The following DHX38 variants were observed in gnomAD, a reference collection of about 807,000 sequenced individuals.
DHX38 encodes the protein pre-mRNA-splicing factor ATP-dependent RNA helicase PRP16.
Under a neutral mutation model 153.1 loss-of-function variants are expected in DHX38, and 100 were observed. The observed-to-expected ratio is 0.65, with a 90% CI of 0.56 to 0.77. DHX38 has a LOEUF of 0.77. DHX38 is among the 30% of genes least tolerant of loss of function. The pLI is 0.00. For synonymous variants in DHX38, 650 were observed against 631.7 expected (o/e 1.03, Z -0.43); for missense variants, 1,440 against 1,654.0 (o/e 0.87, Z 2.24).
chr16:72,104,652 T>G lies in DHX38; in HGVS notation c.2151+26T>G, dbSNP rs2042148386. 6 of 1,613,718 alleles carry G rather than the reference T, an allele frequency of 3.7e-6. No individual in the cohort carries two copies. In the East Asian group the frequency reaches 1.3e-4, roughly 36 times the overall value. On this transcript the variant is annotated intron_variant, in intron 15 of 26. Coordinates refer to ENST00000268482, the MANE Select transcript of DHX38 (RefSeq NM_014003.4). This position sits in a 1 kb window ranked among gnomAD's most constrained non-coding sequence, Gnocchi z 4.5. ...GTATTGAGGCCACCATGTTACGAAC[T>G]GACCCTTCCATGCCACGCACTTCTC...
Position 72,099,749 on chromosome 16 carries a change from G to T in DHX38, c.978G>T (p.Trp326Cys). 3 of 1,614,188 alleles carry T rather than the reference G, an allele frequency of 1.9e-6. No homozygotes were observed. Among genetic ancestry groups the T allele is most frequent in the Non-Finnish European group, 2.5e-6 (3 of 1,180,028 alleles). Reference protein sequence around the residue: ...EDDQRQADRDWYMMDEGYDEF... With the variant: ...EDDQRQADRDCYMMDEGYDEF... ...CCCTGCAGCAAGCCGATCGGGATTG[G>T]TACATGATGGACGAGGGCTATGACG... Residue 326 changes from tryptophan to cysteine, a missense_variant, in exon 8 of 27, where the codon TGG becomes TGT. This residue lies in a region of DHX38 where 483 missense variants were observed against 465.1 expected (regional missense o/e 1.04). Coordinates refer to ENST00000268482, the MANE Select transcript of DHX38 (RefSeq NM_014003.4).
rs776462050 is a variant in DHX38 at position 72,108,401 on chromosome 16, A to G, written c.3120+19A>G. Reference sequence around the variant, plus strand: ...GCGGAAGGTAGAGTGGTGGATGAGCAGGATGTTGGGATGAGGGGAGGGTCG... The same window carrying G: ...GCGGAAGGTAGAGTGGTGGATGAGCGGGATGTTGGGATGAGGGGAGGGTCG... On this transcript the variant is annotated intron_variant, in intron 22 of 26. Coordinates refer to ENST00000268482, the MANE Select transcript of DHX38 (RefSeq NM_014003.4). 2 of 1,614,004 alleles carry G rather than the reference A, an allele frequency of 1.2e-6. No individual in the cohort carries two copies.
intron 12 of DHX38, 113 bp from the exon 13 acceptor site, chr16:72,103,489 G>A: frequency 1.6e-6 from 2 of 1,234,512 alleles, no homozygotes; most frequent in Non-Finnish European, 2.3e-6. Flanking sequence ...TTCTAAACCG[G>A]CATGCTCCCT....
intron 3 of DHX38, chr16:72,097,249 A>G: frequency 2.2e-6 from 1 of 446,812 alleles, no homozygotes; most frequent in South Asian, 3.6e-5. Context: ...AAAATTGATG[A>G]TAAAGGAGAT....
rs778677397 is a variant in DHX38 at position 72,108,647 on chromosome 16, C to T, written c.3255+40C>T. 32 of 1,604,342 alleles carry T rather than the reference C, an allele frequency of 2.0e-5. No individual in the cohort carries two copies. In the South Asian group the frequency reaches 3.0e-4, roughly 15 times the overall value. On this transcript the variant is annotated intron_variant, in intron 23 of 26. Transcript: ENST00000268482. Reference sequence around the variant, plus strand: ...CCAGTGAGCCCCTCCCAGCCTGATACCTGTATAAGGGCAAAGTTCTTCCTT... The same window carrying T: ...CCAGTGAGCCCCTCCCAGCCTGATATCTGTATAAGGGCAAAGTTCTTCCTT...
intron 21 of DHX38, 135 bp from the exon 22 acceptor site, chr16:72,108,092 C>G: frequency 9.0e-7 from 1 of 1,110,236 alleles, no homozygotes; most frequent in Non-Finnish European, 1.3e-6. Context: ...TAATTTTTCT[C>G]AAATTGTCAG....
chr16:72,101,243 T>C (rs756043760), intron 10 of DHX38, 50 bp downstream of exon 10: 1 of 1,599,156 alleles, frequency 6.3e-7, no homozygotes, highest in Non-Finnish European at 8.6e-7. Flanking sequence ...TTTTTTTCTT[T>C]TTTCTTCTCT....
Position 72,101,175 on chromosome 16 carries a change from G to A in DHX38, c.1368G>A (p.Glu456=), listed in dbSNP as rs1334121795. 2 of 1,614,174 alleles carry A rather than the reference G, an allele frequency of 1.2e-6. No individual in the cohort carries two copies. Among genetic ancestry groups the A allele is most frequent in the African/African-American group, 2.7e-5 (2 of 74,958 alleles). The part of the protein sequence containing the change: ...KGSQTVRKHR[E]QKERKKAQHK... ...GCCAGACAGTGCGGAAGCACAGGGA[G>A]CAGAAGGAGCGCAAGAAGGTTGGTT... Residue 456 remains glutamate, a synonymous_variant, in exon 10 of 27, where the codon GAG becomes GAA. Coordinates refer to ENST00000268482, the MANE Select transcript of DHX38 (RefSeq NM_014003.4).
intron 1 of DHX38, 112 bp from the exon 2 acceptor site, chr16:72,096,027 T>A: frequency 8.8e-7 from 1 of 1,135,940 alleles, no homozygotes; most frequent in South Asian, 1.6e-5. Flanking sequence ...AGTCCTGGTC[T>A]TAAGGGGAGA....
chr16:72,099,698 C>G (rs1312301761), intron 7 of DHX38, 34 bp from the exon 8 acceptor site: 2 of 1,612,016 alleles, frequency 1.2e-6, no homozygotes. Context: ...CTTGATCTGT[C>G]CCTCACTCCC....
chr16:72,100,389 A>T, intron 8 of DHX38, 47 bp from the exon 9 acceptor site: 1 of 1,596,374 alleles, frequency 6.3e-7, no homozygotes, highest in Non-Finnish European at 8.5e-7. Context: ...TTTCAGGACG[A>T]CCTTTGGGGT....
intron 26 of DHX38, among the ~76,000 whole-genome samples, chr16:72,111,737 G>T (rs1168834199): frequency 6.6e-6 from 1 of 152,180 alleles, no homozygotes; most frequent in Non-Finnish European, 1.5e-5. Context: ...CAGTATGACA[G>T]GTTATTGCTA....
chr16:72,105,327 C>T lies in DHX38; in HGVS notation c.2358C>T (p.Leu786=). The T allele has an allele frequency of 1.2e-6, 2 of 1,614,166 alleles. No individual in the cohort carries two copies. The highest frequency in any genetic ancestry group is 1.7e-6 in the Non-Finnish European group (2 of 1,180,038). Residue 786 remains leucine, a synonymous_variant, in exon 17 of 27, where the codon CTC becomes CTT. Coordinates refer to ENST00000268482, the MANE Select transcript of DHX38 (RefSeq NM_014003.4). Reference sequence around the variant, plus strand: ...TCTACTCTCAGCTGCCTTCTGACCTCCAGGCCAAAATCTTCCAGAAGGTGT... The same window carrying T: ...TCTACTCTCAGCTGCCTTCTGACCTTCAGGCCAAAATCTTCCAGAAGGTGT... The part of the protein sequence containing the change: ...LPIYSQLPSD[L]QAKIFQKAPD...
intron 1 of DHX38, among the ~76,000 whole-genome samples, chr16:72,095,846 T>C (rs12924413): frequency 0.5 from 75,327 of 151,734 alleles, 20,602 homozygotes; most frequent in African/African-American, 0.74. Flanking sequence ...TTAGTGAGAC[T>C]TTTTATTGCC....
intron 18 of DHX38, 118 bp downstream of exon 18, chr16:72,105,742 G>A (rs2042166873): frequency 1.2e-5 from 12 of 981,008 alleles, no homozygotes; most frequent in Non-Finnish European, 1.4e-5. Context: ...TGGAAGTGGT[G>A]GTGGTGGTGG....
intron 9 of DHX38, 127 bp downstream of exon 9, chr16:72,100,724 A>C: frequency 3.7e-6 from 5 of 1,351,522 alleles, no homozygotes; most frequent in Non-Finnish European, 5.0e-6. Flanking sequence ...GGATACCAGG[A>C]GTTCAAGGCC....
intron 26 of DHX38, among the ~76,000 whole-genome samples, chr16:72,111,929 G>A (rs1236395337): frequency 6.6e-6 from 1 of 152,188 alleles, no homozygotes; most frequent in Non-Finnish European, 1.5e-5. Context: ...GGGCAGAGAG[G>A]CCAGCCTGCC....
chr16:72,105,025 A>C lies in DHX38; in HGVS notation c.2152-2A>C. On this transcript the variant is annotated splice_acceptor_variant, in intron 15 of 26. Coordinates refer to ENST00000268482, the MANE Select transcript of DHX38 (RefSeq NM_014003.4). LOFTEE classifies it high-confidence loss of function. Reference sequence around the variant, plus strand: ...CTGACTGTGTCCCCACTGCTGTTGCAGACCCCACAGGAGGATTACGTGGAG... The same window carrying C: ...CTGACTGTGTCCCCACTGCTGTTGCCGACCCCACAGGAGGATTACGTGGAG... 1 of 1,613,792 alleles carries C rather than the reference A, an allele frequency of 6.2e-7. No individual in the cohort carries two copies. The highest frequency in any genetic ancestry group is 8.5e-7 in the Non-Finnish European group (1 of 1,179,858).
At chr16:72,109,707 A>G (rs2042233213) in intron 25 of DHX38, 197 bp downstream of exon 25, 1 of 460,706 alleles carries the variant, frequency 2.2e-6, no homozygotes, top group African/African-American at 2.1e-5. Context: ...CTTTAAAAAC[A>G]AAACCAAAAA....
Sources: gnomAD v4.1 joint callset for allele counts (sites outside exome capture counted in the v4.1 genomes callset) on GRCh38, gnomAD v4.1.1 for gene constraint, gnomAD v4.1.1 regional missense constraint, Gnocchi (gnomAD v3.1) non-coding constraint, MANE v1.5 for transcripts, NCBI Gene and HGNC (gene_info 2026-07-23, HGNC 2026-07-21) for gene names.